The following SAXO1 variants were observed in gnomAD, a reference collection of about 807,000 sequenced individuals.
The protein encoded by SAXO1 is stabilizer of axonemal microtubules 1, also known as 4930500O09Rik.
A neutral mutation model predicts 17.5 loss-of-function variants in SAXO1; 21 were observed. The ratio of observed to expected loss-of-function variants is 1.20; its 90% CI spans 0.85 to 1.72. SAXO1 has a LOEUF of 1.72. Ranked by LOEUF, SAXO1 falls within the 40% of genes most tolerant of loss-of-function variation. The pLI is 0.00. For missense variants in SAXO1, 843 were observed against 596.0 expected, an observed-to-expected ratio of 1.41 and a Z score of -4.32; for synonymous variants, 274 against 216.5, an observed-to-expected ratio of 1.27 and a Z score of -2.33.
At chr9:19,048,066 T>C (rs1836263958) in intron 1 of SAXO1, among the ~76,000 whole-genome samples, 1 of 152,228 alleles carries the variant, frequency 6.6e-6, no homozygotes, top group Non-Finnish European at 1.5e-5. Flanking sequence ...GCAAAGGCCA[T>C]TTTTGAACTT....
chr9:18,945,522 C>T (rs1252087826), intron 2 of SAXO1, among the ~76,000 whole-genome samples: 1 of 152,222 alleles, frequency 6.6e-6, no homozygotes, highest in Admixed American at 6.5e-5. Context: ...TCCTAGGCAG[C>T]TTGGGGAGTC....
rs376361707 is a variant in SAXO1, at chr9:18,936,536, C to G, written c.421+5101G>C. Among the ~76,000 whole-genome samples the G allele has an allele frequency of 3.9e-4, 59 of 152,280 alleles. 1 individual carries two copies. The highest frequency in any genetic ancestry group is 1.9e-3 in the South Asian group (9 of 4,814). The stretch of plus-strand genomic sequence containing the variant: ...AGCTCAAAGTTGCCTCATGTGATTT[C>G]TGATACCCAACAATATAGTTGAAAC... On this transcript the variant is annotated intron_variant, in intron 3 of 3. Transcript: ENST00000380534.
In SAXO1 at chr9:19,027,874, C is replaced by G. The variant is rs1588559051; in HGVS notation, c.38+4997G>C. On this transcript the variant is annotated intron_variant, in intron 1 of 3. Coordinates refer to ENST00000380534, the MANE Select transcript of SAXO1 (RefSeq NM_153707.4). Reference sequence around the variant, plus strand: ...ACCCCGCCCTGCTACGCTAGGGCGGCCTGGACCGCAAGATCGAGTGCCTGG... The same window carrying G: ...ACCCCGCCCTGCTACGCTAGGGCGGGCTGGACCGCAAGATCGAGTGCCTGG... 4.9e-5 allele frequency: 66 copies of G among 1,358,948 alleles called. No individual in the cohort carries two copies. In the East Asian group the frequency reaches 1.5e-3, roughly 31 times the overall value. 84.2% of individuals were successfully genotyped at this position (1,358,948 alleles called of 1,614,324 possible). A position where few individuals can be genotyped will look rare whatever the true frequency, so the allele number is the denominator to read the frequency against.
chr9:19,004,059 A>G (rs923022413), intron 1 of SAXO1, among the ~76,000 whole-genome samples: 5 of 152,246 alleles, frequency 3.3e-5, no homozygotes, highest in African/African-American at 1.2e-4. Flanking sequence ...CAACCCCATC[A>G]AAAAGCAGGC....
At chr9:18,987,985 T>G (rs1833664307) in intron 1 of SAXO1, among the ~76,000 whole-genome samples, 1 of 152,176 alleles carries the variant, frequency 6.6e-6, no homozygotes, top group East Asian at 1.9e-4. Context: ...CTATGAGCAC[T>G]CCACGTTTTC....
chr9:19,025,963 T>C (rs1835454109), intron 1 of SAXO1, among the ~76,000 whole-genome samples: 2 of 152,234 alleles, frequency 1.3e-5, no homozygotes, highest in South Asian at 4.2e-4. Context: ...TGGCCCATTG[T>C]GGGAGTTGGG....
At chr9:19,010,693 TA>T in intron 1 of SAXO1, among the ~76,000 whole-genome samples, 1 of 152,198 alleles carries the variant, frequency 6.6e-6, no homozygotes. Flanking sequence ...AAAAACGGGT[TA>T]AAAAAGACAA....
At position 18,950,391 on chromosome 9, in the gene SAXO1, C is replaced by T. The variant is rs1232437914; in HGVS notation, c.218+367G>A. Among the ~76,000 whole-genome samples the T allele has an allele frequency of 5.3e-5, 8 of 152,262 alleles. No individual in the cohort carries two copies. In the East Asian group the frequency reaches 5.8e-4, roughly 11 times the overall value. ...CCATCCCCCACCTACCCAAGCTGGCCTGGAGCTTTTCATGTAACAAAGCCC... is the reference window on the plus strand; with the variant it reads ...CCATCCCCCACCTACCCAAGCTGGCTTGGAGCTTTTCATGTAACAAAGCCC... On this transcript the variant is annotated intron_variant, in intron 2 of 3. Coordinates refer to ENST00000380534, the MANE Select transcript of SAXO1 (RefSeq NM_153707.4).
At chr9:18,984,314 C>A (rs1015714155) in intron 1 of SAXO1, among the ~76,000 whole-genome samples, 1 of 152,204 alleles carries the variant, frequency 6.6e-6, no homozygotes, top group African/African-American at 2.4e-5. Flanking sequence ...GCTACATTCG[C>A]CCCTAACAAG....
intron 1 of SAXO1, among the ~76,000 whole-genome samples, chr9:19,016,559 C>T (rs1054818117): frequency 6.6e-6 from 1 of 152,170 alleles, no homozygotes; most frequent in Non-Finnish European, 1.5e-5. Flanking sequence ...TGTGCAGACA[C>T]ATTTTTGATT....
At chr9:18,956,118 T>C (rs1245908884) in intron 1 of SAXO1, among the ~76,000 whole-genome samples, 2 of 150,394 alleles carry the variant, frequency 1.3e-5, no homozygotes, top group Non-Finnish European at 3.0e-5. Context: ...TAATTTTTTT[T>C]TTTTTTTTTT....
At chr9:18,988,878 T>C (rs537877999) in intron 1 of SAXO1, among the ~76,000 whole-genome samples, 2 of 152,314 alleles carry the variant, frequency 1.3e-5, no homozygotes. Context: ...GGCTTCCAGA[T>C]CATACAGCAA....
intron 1 of SAXO1, among the ~76,000 whole-genome samples, chr9:19,003,112 G>A (rs1834345610): frequency 1.3e-5 from 2 of 152,188 alleles, no homozygotes; most frequent in South Asian, 2.1e-4. Flanking sequence ...GACAAACAGA[G>A]AGCCAAATCA....
chr9:19,012,069 C>G (rs1440280841), intron 1 of SAXO1, among the ~76,000 whole-genome samples: 1 of 152,074 alleles, frequency 6.6e-6, no homozygotes, highest in Non-Finnish European at 1.5e-5. Flanking sequence ...TGGTCTCGAT[C>G]TCTTGACCTC....
chr9:18,967,643 G>T (rs2131780934), intron 1 of SAXO1, among the ~76,000 whole-genome samples: 1 of 152,342 alleles, frequency 6.6e-6, no homozygotes, highest in East Asian at 1.9e-4. Context: ...TGTGCTGGCA[G>T]CAAGAATTTC....
intron 1 of SAXO1, among the ~76,000 whole-genome samples, chr9:19,001,437 G>A (rs560561908): frequency 7.3e-4 from 111 of 152,296 alleles, no homozygotes; most frequent in African/African-American, 2.5e-3. Flanking sequence ...GGAGGTTGAA[G>A]CAGGTGGATC....
At chr9:18,944,180 T>C (rs575388233) in intron 2 of SAXO1, among the ~76,000 whole-genome samples, 2 of 147,050 alleles carry the variant, frequency 1.4e-5, no homozygotes, top group East Asian at 4.4e-4. Flanking sequence ...TGATCAGCCA[T>C]AACTAAGGCA....
In SAXO1 at chr9:18,927,958, G is replaced by A; in HGVS notation, c.*94C>T. 2.1e-6 allele frequency: 3 copies of A among 1,398,892 alleles called. No individual in the cohort carries two copies. Among genetic ancestry groups the A allele is most frequent in the Non-Finnish European group, 2.9e-6 (3 of 1,047,038 alleles). The allele number at this position is 1,398,892 out of a possible 1,614,324, so 86.7% of individuals were successfully genotyped here. ...GAAGGTTTTTTGTTTTTTGTTTTTTGTCATTTTAGGGAATTCTTTTTTGTC... is the reference window on the plus strand; with the variant it reads ...GAAGGTTTTTTGTTTTTTGTTTTTTATCATTTTAGGGAATTCTTTTTTGTC... On this transcript the variant is annotated 3_prime_UTR_variant, in exon 4 of 4. Transcript: ENST00000380534.
chr9:18,931,788 T>C (rs113539174), intron 3 of SAXO1, among the ~76,000 whole-genome samples: 1,926 of 152,350 alleles, frequency 0.013, 18 homozygotes, highest in Non-Finnish European at 0.021. Context: ...TGAGTATCTC[T>C]GCATGCACTT....
Sources: gnomAD v4.1 joint callset for allele counts (sites outside exome capture counted in the v4.1 genomes callset) on GRCh38, gnomAD v4.1.1 for gene constraint, MANE v1.5 for transcripts, NCBI Gene and HGNC (gene_info 2026-07-23, HGNC 2026-07-21) for gene names.